ARAP3: variants seen among roughly 807,000 people sequenced by gnomAD.
The protein encoded by ARAP3 is arf-GAP with Rho-GAP domain, ANK repeat and PH domain-containing protein 3.
In ARAP3, 82 loss-of-function variants were observed where a neutral mutation model predicts 169.2. That is an observed-to-expected ratio of 0.48 (90% confidence interval 0.41 to 0.58). ARAP3 has a LOEUF of 0.58. ARAP3 is among the 20% of genes least tolerant of loss of function. ARAP3 has a pLI of 0.00. For synonymous variants in ARAP3, 791 were observed against 800.3 expected (o/e 0.99, Z 0.20); for missense variants, 1,764 against 2,018.0 (o/e 0.87, Z 2.41).
chr5:141,666,371 A>G, intron 17 of ARAP3, 53 bp downstream of exon 17: 4 of 1,413,504 alleles, frequency 2.8e-6, no homozygotes, highest in South Asian at 1.6e-5. Context: ...GTCTGCTTCC[A>G]TGCACCCGCA....
chr5:141,680,360 C>G lies in ARAP3; in HGVS notation c.127G>C (p.Glu43Gln). Residue 43 changes from glutamate (E) to glutamine (Q), a missense_variant, in exon 2 of 33, where the codon GAG (glutamate) becomes CAG (glutamine). By Grantham distance (29) the Glu-to-Gln change is conservative (BLOSUM62 2). This residue lies in a region of ARAP3 where 630 missense variants were observed against 678.7 expected (regional missense o/e 0.93). Transcript: ENST00000239440. ...GCGCTGATGCCCAACTGCTTCAACT[C>G]CTCGTGGCCCAGGCCCCGGGCTGCA... ...AGAARGLGHE[E>Q]LKQLGISATG... is the part of the protein sequence containing the mutation. The G allele has an allele frequency of 6.2e-7, 1 of 1,614,224 alleles. No individual in the cohort carries two copies. Among genetic ancestry groups the G allele is most frequent in the South Asian group, 1.1e-5 (1 of 91,082 alleles).
chr5:141,653,920 AC>A lies in ARAP3; in HGVS notation c.*29del, dbSNP rs1179171067. 6.6e-7 allele frequency: 1 copy of A among 1,510,898 alleles called. No individual in the cohort carries two copies. The highest frequency in any genetic ancestry group is 8.8e-7 in the Non-Finnish European group (1 of 1,130,882). 93.6% of individuals were successfully genotyped at this position (1,510,898 alleles called of 1,614,324 possible). A position where few individuals can be genotyped will look rare whatever the true frequency, so the allele number is the denominator to read the frequency against. ...GATAAGAGTTTCTGGGTCTTCTGGT[AC>A]CTACCCTCTCAGACTGCTGGTCCTA... is the stretch of plus-strand genomic sequence containing the variant. On this transcript the variant is annotated 3_prime_UTR_variant, in exon 33 of 33. Transcript: ENST00000239440.
At chr5:141,678,376 C>G (rs2099912497) in intron 4 of ARAP3, among the ~76,000 whole-genome samples, 1 of 152,202 alleles carries the variant, frequency 6.6e-6, no homozygotes, top group Admixed American at 6.5e-5. Flanking sequence ...ACACACCCGC[C>G]TTGAGGCCTC....
Position 141,671,530 on chromosome 5 carries a change from AC to A in ARAP3, c.1854+39del, listed in dbSNP as rs753908525. 1.1e-5 allele frequency: 17 copies of A among 1,609,668 alleles called. No homozygotes were observed. In the African/African-American group the frequency reaches 1.2e-4, roughly 11 times the overall value. ...TTCCAACTCCAGAGAGTGTTTCCTG[AC>A]CCCCCCACCCCAGATCACCCCTGCT... is the stretch of plus-strand genomic sequence containing the variant. On this transcript the variant is annotated intron_variant, in intron 12 of 32. Coordinates refer to ENST00000239440, the MANE Select transcript of ARAP3 (RefSeq NM_022481.6). This position sits in a 1 kb window ranked among gnomAD's most constrained non-coding sequence, Gnocchi z 4.9.
At chr5:141,680,859 T>C (rs990980659) in intron 1 of ARAP3, 8 of 248,450 alleles carry the variant, frequency 3.2e-5, no homozygotes, top group Admixed American at 3.1e-4. Context: ...TGGGACAAGA[T>C]GCTAGAATGC....
chr5:141,666,351 A>C, intron 17 of ARAP3, 73 bp downstream of exon 17: 16 of 1,323,568 alleles, frequency 1.2e-5, no homozygotes, highest in Non-Finnish European at 1.6e-5. Flanking sequence ...AGAACCCCCA[A>C]ATAATAAAGG....
At chr5:141,669,050 A>C (rs2099911085) in intron 16 of ARAP3, among the ~76,000 whole-genome samples, 1 of 152,080 alleles carries the variant, frequency 6.6e-6, no homozygotes, top group African/African-American at 2.4e-5. Context: ...TATTATTTCA[A>C]CGCCCACATA....
At chr5:141,676,676 T>C (rs554174172) in intron 4 of ARAP3, among the ~76,000 whole-genome samples, 2 of 152,310 alleles carry the variant, frequency 1.3e-5, no homozygotes, top group South Asian at 4.1e-4. Flanking sequence ...CTCCTGGCCT[T>C]CTACTTTGCT....
At chr5:141,680,762 G>C in intron 1 of ARAP3, 1 of 525,442 alleles carries the variant, frequency 1.9e-6, no homozygotes, top group East Asian at 3.5e-5. Flanking sequence ...GTAAGTCAGT[G>C]CTAGAGTTGG....
rs778399059 is a variant in ARAP3, at chr5:141,673,435, T to C, written c.938A>G (p.Asn313Ser). The change falls in exon 6 of 33, where the codon AAT (asparagine) becomes AGT (serine). Residue 313 changes from asparagine to serine, a missense_variant. By Grantham distance (46) the Asn-to-Ser change is conservative. Coordinates refer to ENST00000239440, the MANE Select transcript of ARAP3 (RefSeq NM_022481.6). ...GCCAAAGTACATCAGACTCCTCCCA[T>C]TGAACTGCACAAAGCGTCTCTGGAA... ...YVFQRRFVQF[N>S]GRSLMYFGSD... 4.3e-6 allele frequency: 7 copies of C among 1,613,892 alleles called. No individual in the cohort carries two copies. Among genetic ancestry groups the C allele is most frequent in the African/African-American group, 2.7e-5 (2 of 74,826 alleles).
At position 141,659,819 on chromosome 5, in the gene ARAP3, A is replaced by ACTCGCAC; in HGVS notation, c.3220_3226dup (p.Val1076GlyfsTer9). 6.2e-7 allele frequency: 1 copy of ACTCGCAC among 1,612,534 alleles called. No homozygotes were observed. The highest frequency in any genetic ancestry group is 8.5e-7 in the Non-Finnish European group (1 of 1,179,484). On this transcript the variant is annotated frameshift_variant, in exon 22 of 33. Coordinates refer to ENST00000239440, the MANE Select transcript of ARAP3 (RefSeq NM_022481.6). LOFTEE classifies it high-confidence loss of function. ...GTAGCCATCAATGAGCTCTTGCAGC[A>ACTCGCAC]CTCGCACCTCGTGCTCCCCTCGCCC... is the stretch of plus-strand genomic sequence containing the variant.
chr5:141,680,212 G>T lies in ARAP3; in HGVS notation c.275C>A (p.Pro92His), dbSNP rs2099912779. 1 of 1,613,250 alleles carries T rather than the reference G, an allele frequency of 6.2e-7. No individual in the cohort carries two copies. Reference sequence around the variant, plus strand: ...GGTCCTGGGCTTCGGCACGGGCTTAGGGGGCTGGGCTTGCGGGGCTGGGCT... The same window carrying T: ...GGTCCTGGGCTTCGGCACGGGCTTATGGGGCTGGGCTTGCGGGGCTGGGCT... ...SPSPAPQAQPPKPVPKPRTVF... is the reference protein window; with the variant it reads ...SPSPAPQAQPHKPVPKPRTVF... Residue 92 changes from proline (P) to histidine (H), a missense_variant, in exon 2 of 33, where the codon CCT becomes CAT. Transcript: ENST00000239440.
intron 16 of ARAP3, among the ~76,000 whole-genome samples, chr5:141,667,365 A>T (rs892175139): frequency 6.6e-6 from 1 of 152,054 alleles, no homozygotes; most frequent in Non-Finnish European, 1.5e-5. Flanking sequence ...ATTGCAGTAA[A>T]GGACCAGGGT....
At chr5:141,660,020 A>G in intron 21 of ARAP3, 94 bp from the exon 22 acceptor site, 1 of 1,443,270 alleles carries the variant, frequency 6.9e-7, no homozygotes, top group Non-Finnish European at 9.3e-7. Context: ...AGTGCTTGGA[A>G]TACAGCAGTA....
At chr5:141,669,681 T>A in intron 16 of ARAP3, 28 bp downstream of exon 16, 1 of 1,601,988 alleles carries the variant, frequency 6.2e-7, no homozygotes, top group Non-Finnish European at 8.6e-7. Flanking sequence ...AAGCATGAGA[T>A]GCTGCAGAGG....
rs1006540635 is a variant in ARAP3 at position 141,654,541 on chromosome 5, C to G, written c.4150-106G>C. 3 of 1,462,754 alleles carry G rather than the reference C, an allele frequency of 2.1e-6. No homozygotes were observed. The South Asian group carries it at 4.1e-5, about 20-fold the overall frequency. 90.6% of individuals were successfully genotyped at this position (1,462,754 alleles called of 1,614,324 possible). On this transcript the variant is annotated intron_variant, in intron 32 of 32. Coordinates refer to ENST00000239440, the MANE Select transcript of ARAP3 (RefSeq NM_022481.6). ...CCTCTGGGCCAGATGCTGTAAAATA[C>G]TTGGCATGTATGATTCTGGAACAAC... is the stretch of plus-strand genomic sequence containing the variant.
chr5:141,665,052 G>C lies in ARAP3; in HGVS notation c.2670C>G (p.Asp890Glu). Residue 890 changes from aspartate to glutamate, a missense_variant, in exon 19 of 33, where the codon GAC becomes GAG. Transcript: ENST00000239440. ...TLYLQGEGRL[D>E]FTAWNAAIGG... is the part of the protein sequence containing the mutation. ...CAATGGCTGCGTTCCATGCCGTGAA[G>C]TCCAGCCGGCCCTCTCCTTGCAGAT... The C allele has an allele frequency of 6.2e-7, 1 of 1,613,702 alleles. No homozygotes were observed. Among genetic ancestry groups the C allele is most frequent in the Non-Finnish European group, 8.5e-7 (1 of 1,179,818 alleles).
rs1247429541 is a variant in ARAP3, at chr5:141,666,656, G to A, written c.2353-13C>T. On this transcript the variant is annotated splice_polypyrimidine_tract_variant and intron_variant, in intron 16 of 32. Coordinates refer to ENST00000239440, the MANE Select transcript of ARAP3 (RefSeq NM_022481.6). ...GCGGGGAGAACCACTGTAGAGGCAG[G>A]GGGAGGACAGGAGAAAGGGGGATGG... is the stretch of plus-strand genomic sequence containing the variant. 2.2e-6 allele frequency: 3 copies of A among 1,353,846 alleles called. No individual in the cohort carries two copies. Among genetic ancestry groups the A allele is most frequent in the African/African-American group, 1.5e-5 (1 of 66,686 alleles). 83.9% of individuals were successfully genotyped at this position (1,353,846 alleles called of 1,614,324 possible).
At position 141,674,454 on chromosome 5, in the gene ARAP3, C is replaced by T. The variant is rs1027505938; in HGVS notation, c.699-646G>A. On this transcript the variant is annotated intron_variant, in intron 4 of 32. Transcript: ENST00000239440. ...TTTATTTTTAGTAGAGATGAGGTCT[C>T]GCTATGTTGCCCAGGCTGGTCTCAA... Among the ~76,000 whole-genome samples the T allele has an allele frequency of 5.3e-5, 8 of 152,002 alleles. 1 individual carries two copies. In the South Asian group the frequency reaches 1.2e-3, roughly 24 times the overall value.
Sources: allele counts gnomAD v4.1 joint callset (sites outside exome capture counted in the v4.1 genomes callset), GRCh38; gene constraint gnomAD v4.1.1; regional missense constraint gnomAD v4.1.1; non-coding constraint Gnocchi (gnomAD v3.1); transcripts MANE v1.5; gene names NCBI Gene and HGNC (gene_info 2026-07-23, HGNC 2026-07-21).